CNIH3: variants seen among roughly 807,000 people sequenced by gnomAD.
CNIH3 encodes the protein cornichon family AMPA receptor auxiliary protein 3.
A neutral mutation model predicts 24.1 loss-of-function variants in CNIH3; 14 were observed. That is an observed-to-expected ratio of 0.58 (90% CI 0.38 to 0.91). CNIH3 has a LOEUF of 0.91. Ranked by LOEUF, CNIH3 falls within the 40% of genes least tolerant of loss-of-function variation. CNIH3 has a pLI of 0.00. For synonymous variants in CNIH3, 68 were observed against 73.8 expected (o/e 0.92, Z 0.40); for missense variants, 178 against 196.8 (o/e 0.90, Z 0.57).
chr1:224,450,806 G>A (rs868219), intron 1 of CNIH3, among the ~76,000 whole-genome samples: 3,732 of 152,306 alleles, frequency 0.025, 152 homozygotes, highest in African/African-American at 0.082. Context: ...GGAGCCATGC[G>A]GTCTGTGTCA....
At chr1:224,723,540 G>A (rs901597289) in intron 3 of CNIH3, among the ~76,000 whole-genome samples, 17 of 152,342 alleles carry the variant, frequency 1.1e-4, no homozygotes, top group African/African-American at 3.8e-4. Flanking sequence ...TCTGGGGCTG[G>A]AAGCAGCCCG....
chr1:224,630,272 A>AG (rs1445336611), intron 1 of CNIH3, among the ~76,000 whole-genome samples: 1 of 152,140 alleles, frequency 6.6e-6, no homozygotes, highest in Non-Finnish European at 1.5e-5. Context: ...AGGAGGAGAG[A>AG]GTGTGGACCA....
chr1:224,477,856 G>A (rs556169187), intron 1 of CNIH3, among the ~76,000 whole-genome samples: 11 of 152,272 alleles, frequency 7.2e-5, no homozygotes, highest in Admixed American at 2.0e-4. Flanking sequence ...GTCTGGTATT[G>A]ATGAAATCCC....
At chr1:224,589,481 G>A (rs111331579), downstream of CNIH3, among the ~76,000 whole-genome samples, 222 of 152,294 alleles carry the variant, frequency 1.5e-3, no homozygotes, top group African/African-American at 2.5e-3. Context: ...GTGAGCTGCA[G>A]CCTGCAGCCT....
intron 5 of CNIH3, among the ~76,000 whole-genome samples, chr1:224,585,887 T>C (rs901228826): frequency 5.3e-5 from 8 of 152,156 alleles, no homozygotes; most frequent in Admixed American, 2.0e-4. Flanking sequence ...AGCTTTAAAC[T>C]CCAAACTAGA....
chr1:224,490,292 A>T (rs551443728), intron 1 of CNIH3, among the ~76,000 whole-genome samples: 2 of 152,346 alleles, frequency 1.3e-5, no homozygotes, highest in African/African-American at 4.8e-5. Flanking sequence ...AGCATTGCAA[A>T]AGTTAGGGAT....
intron 4 of CNIH3, among the ~76,000 whole-genome samples, chr1:224,572,185 C>T (rs944784084): frequency 1.3e-5 from 2 of 152,118 alleles, no homozygotes; most frequent in African/African-American, 4.8e-5. Flanking sequence ...GGAAGTCCAA[C>T]TTATATTTAA....
At chr1:224,523,212 C>T (rs1678710458) in intron 2 of CNIH3, among the ~76,000 whole-genome samples, 1 of 151,346 alleles carries the variant, frequency 6.6e-6, no homozygotes, top group South Asian at 2.1e-4. Flanking sequence ...GCACTCCAGC[C>T]TGGGTGACAG....
chr1:224,502,231 G>A (rs1009508138), intron 1 of CNIH3, among the ~76,000 whole-genome samples: 4 of 152,128 alleles, frequency 2.6e-5, no homozygotes. Flanking sequence ...GGAAATTAGG[G>A]GCCGAAACAA....
chr1:224,493,879 T>C (rs1366803220), intron 1 of CNIH3, among the ~76,000 whole-genome samples: 2 of 151,968 alleles, frequency 1.3e-5, no homozygotes, highest in Non-Finnish European at 2.9e-5. Flanking sequence ...CAGCCCAGAG[T>C]CCCGTCATTA....
At position 224,623,797 on chromosome 1, in the gene CNIH3, T is replaced by C. The variant is rs562638017; in HGVS notation, c.81+6542T>C. Among the ~76,000 whole-genome samples, 4 of 152,286 alleles carry C rather than the reference T, an allele frequency of 2.6e-5. No homozygotes were observed. In the East Asian group the frequency reaches 5.8e-4, roughly 22 times the overall value. On this transcript the variant is annotated intron_variant, in intron 1 of 5. Coordinates refer to ENST00000272133, the MANE Select transcript of CNIH3 (RefSeq NM_152495.2). The stretch of plus-strand genomic sequence containing the variant: ...TCTGTGGACATTGCTCCATCACTTT[T>C]CCCCACCTGTCTGTGTCTTCAGCCA...
intron 3 of CNIH3, among the ~76,000 whole-genome samples, chr1:224,723,597 G>A (rs1299110012): frequency 6.6e-6 from 1 of 152,242 alleles, no homozygotes; most frequent in East Asian, 1.9e-4. Context: ...GGCCTCCCCA[G>A]GCCAGGAGGA....
intron 1 of CNIH3, among the ~76,000 whole-genome samples, chr1:224,665,869 G>A (rs1031865371): frequency 1.4e-5 from 2 of 147,432 alleles, no homozygotes; most frequent in African/African-American, 5.0e-5. Flanking sequence ...GTAGGTTCCC[G>A]AGGAGCCTAG....
chr1:224,553,137 C>A (rs1247329138), intron 3 of CNIH3, among the ~76,000 whole-genome samples: 1 of 149,658 alleles, frequency 6.7e-6, no homozygotes, highest in Non-Finnish European at 1.5e-5. Context: ...AGGGTGTACA[C>A]TCCCTGTGAT....
intron 3 of CNIH3, among the ~76,000 whole-genome samples, chr1:224,710,776 C>G (rs566971496): frequency 2.0e-5 from 3 of 152,324 alleles, no homozygotes; most frequent in African/African-American, 7.2e-5. Context: ...ATGTTCCTCT[C>G]TGTTGGCTAA....
chr1:224,681,018 G>A lies in CNIH3; in HGVS notation c.142G>A (p.Val48Ile), dbSNP rs1049501299. 6.2e-7 allele frequency: 1 copy of A among 1,614,022 alleles called. No homozygotes were observed. Among genetic ancestry groups the A allele is most frequent in the Non-Finnish European group, 8.5e-7 (1 of 1,179,872 alleles). Residue 48 changes from valine (V) to isoleucine (I), a missense_variant, in exon 2 of 6, where the codon GTT (valine) becomes ATT (isoleucine). Coordinates refer to ENST00000272133, the MANE Select transcript of CNIH3 (RefSeq NM_152495.2). ...GAGCCCCATAGACCAGTGCAATCCTGTTCATGCGGTAAGTGGCGGGTACTG... is the reference window on the plus strand; with the variant it reads ...GAGCCCCATAGACCAGTGCAATCCTATTCATGCGGTAAGTGGCGGGTACTG... ...FKSPIDQCNP[V>I]HARERLRNIE...
chr1:224,547,248 C>T (rs140305316), intron 3 of CNIH3, among the ~76,000 whole-genome samples: 361 of 152,316 alleles, frequency 2.4e-3, no homozygotes, highest in African/African-American at 8.0e-3. Flanking sequence ...AGTGGGTGTA[C>T]ACCCTGTAAT....
At chr1:224,551,196 T>C (rs1307058365) in intron 3 of CNIH3, among the ~76,000 whole-genome samples, 1 of 151,986 alleles carries the variant, frequency 6.6e-6, no homozygotes, top group Admixed American at 6.6e-5. Flanking sequence ...GAAATACCAT[T>C]TGACCCAGCA....
chr1:224,633,452 C>A (rs1050073275), intron 1 of CNIH3, among the ~76,000 whole-genome samples: 9 of 152,106 alleles, frequency 5.9e-5, no homozygotes, highest in African/African-American at 2.2e-4. Flanking sequence ...AGCCACCAGG[C>A]CTGGCAGTTA....
Sources: allele counts gnomAD v4.1 joint callset (sites outside exome capture counted in the v4.1 genomes callset), GRCh38; gene constraint gnomAD v4.1.1; transcripts MANE v1.5; gene names NCBI Gene and HGNC (gene_info 2026-07-23, HGNC 2026-07-21).